RANBP2: variants seen among roughly 807,000 people sequenced by gnomAD.
RANBP2 encodes E3 SUMO-protein ligase RanBP2.
In RANBP2, 57 loss-of-function variants were observed where a neutral mutation model predicts 303.6. The ratio of observed to expected loss-of-function variants is 0.19; its 90% CI spans 0.15 to 0.23. The LOEUF is 0.23. Among genes scored for constraint, RANBP2 ranks in the 10% least tolerant of loss-of-function variants. The pLI is 1.00. For missense variants in RANBP2, 3,138 were observed against 3,780.8 expected (o/e 0.83, Z 4.46); for synonymous variants, 1,167 against 1,301.5 (o/e 0.90, Z 2.23).
chr2:109,315,804 A>G, the RANBP2 span, among the ~76,000 whole-genome samples: 20 of 152,068 alleles, frequency 1.3e-4, no homozygotes, highest in Non-Finnish European at 2.8e-4. Flanking sequence ...TGTGGAAGGG[A>G]CGTCGTCGCT....
the RANBP2 span, among the ~76,000 whole-genome samples, chr2:109,317,947 G>C: frequency 0.27 from 40,612 of 151,912 alleles, 6,058 homozygotes; most frequent in East Asian, 0.65. Context: ...GCACAACTCT[G>C]CCGCTTGTCC....
At chr2:109,229,066 C>T in the RANBP2 span, among the ~76,000 whole-genome samples, 2 of 152,140 alleles carry the variant, frequency 1.3e-5, no homozygotes, top group Admixed American at 6.6e-5. Flanking sequence ...GGATTAGGAG[C>T]TCTGTGTTGG....
chr2:108,740,189 A>G (rs774924066), intron 6 of RANBP2, among the ~76,000 whole-genome samples: 52 of 152,318 alleles, frequency 3.4e-4, no homozygotes, highest in Non-Finnish European at 6.9e-4. Context: ...TCCCAACTTT[A>G]TCCTGGTTTA....
the RANBP2 span, among the ~76,000 whole-genome samples, chr2:109,686,058 A>T: frequency 6.6e-6 from 1 of 151,836 alleles, no homozygotes; most frequent in African/African-American, 2.4e-5. Flanking sequence ...TGTCTCCCAG[A>T]CTCTGGTTTT....
chr2:109,097,349 A>G, the RANBP2 span, among the ~76,000 whole-genome samples: 1 of 149,070 alleles, frequency 6.7e-6, no homozygotes, highest in Non-Finnish European at 1.5e-5. Context: ...ACAAAACAAA[A>G]CAAAACAAAA....
At chr2:108,796,030 A>T in the RANBP2 span, among the ~76,000 whole-genome samples, 1 of 152,180 alleles carries the variant, frequency 6.6e-6, no homozygotes, top group Non-Finnish European at 1.5e-5. Flanking sequence ...TGGTTTAATC[A>T]GTCTATAGTT....
chr2:109,058,008 T>G, the RANBP2 span, among the ~76,000 whole-genome samples: 7 of 152,132 alleles, frequency 4.6e-5, no homozygotes, highest in Non-Finnish European at 1.0e-4. Flanking sequence ...AGGAGCAGAA[T>G]CTATCCTGCC....
chr2:109,534,810 T>C, the RANBP2 span, among the ~76,000 whole-genome samples: 1 of 151,754 alleles, frequency 6.6e-6, no homozygotes. Context: ...TTGTTTTGTT[T>C]TGTTTTGTTT....
the RANBP2 span, among the ~76,000 whole-genome samples, chr2:109,355,169 T>C: frequency 4.1e-4 from 62 of 152,352 alleles, no homozygotes; most frequent in East Asian, 0.01. Flanking sequence ...TATGAAAGTC[T>C]ACGGGCCCAC....
At chr2:109,316,735 T>A in the RANBP2 span, among the ~76,000 whole-genome samples, 1 of 152,196 alleles carries the variant, frequency 6.6e-6, no homozygotes, top group Non-Finnish European at 1.5e-5. Flanking sequence ...TATAATGCGA[T>A]GTATCCACCA....
the RANBP2 span, among the ~76,000 whole-genome samples, chr2:109,446,511 G>A: frequency 3.9e-5 from 6 of 152,192 alleles, no homozygotes; most frequent in African/African-American, 1.4e-4. Context: ...GCAGGAGCAG[G>A]GGAGGCTGAG....
chr2:108,878,487 C>A, the RANBP2 span: 1 of 215,906 alleles, frequency 4.6e-6, no homozygotes. Flanking sequence ...AGATGGCACA[C>A]ATATTTATGC....
At chr2:109,696,926 C>T in the RANBP2 span, among the ~76,000 whole-genome samples, 1 of 152,020 alleles carries the variant, frequency 6.6e-6, no homozygotes, top group East Asian at 1.9e-4. Context: ...CACAGGTGCG[C>T]ACCACCATGC....
the RANBP2 span, among the ~76,000 whole-genome samples, chr2:109,133,358 A>G: frequency 2.6e-5 from 4 of 152,188 alleles, no homozygotes; most frequent in Non-Finnish European, 5.9e-5. Flanking sequence ...TGACAATGTG[A>G]CTGGGACTTA....
chr2:109,157,873 A>G, the RANBP2 span, among the ~76,000 whole-genome samples: 3 of 152,206 alleles, frequency 2.0e-5, no homozygotes, highest in African/African-American at 7.2e-5. Context: ...CAGCTCTCCT[A>G]GGAGACCCTC....
the RANBP2 span, among the ~76,000 whole-genome samples, chr2:109,062,013 C>A: frequency 2.0e-5 from 3 of 152,166 alleles, no homozygotes; most frequent in Admixed American, 2.0e-4. Flanking sequence ...TCCTCACAGA[C>A]CCTCCAGCCC....
the RANBP2 span, among the ~76,000 whole-genome samples, chr2:108,875,225 TAAG>T: frequency 2.1e-5 from 3 of 144,582 alleles, no homozygotes; most frequent in Non-Finnish European, 4.5e-5. Context: ...GACAAGGAAA[TAAG>T]AAACAAAGCT....
At chr2:109,340,081 C>T in the RANBP2 span, among the ~76,000 whole-genome samples, 5 of 152,090 alleles carry the variant, frequency 3.3e-5, no homozygotes, top group Non-Finnish European at 5.9e-5. Context: ...ATCGGGTTAT[C>T]GGGAGTGTCT....
the RANBP2 span, among the ~76,000 whole-genome samples, chr2:109,416,931 TATGTCCA>T: frequency 3.3e-5 from 5 of 149,920 alleles, no homozygotes; most frequent in African/African-American, 1.2e-4. Flanking sequence ...AAAAGAATTG[TATGTCCA>T]GTGCTTGGCC....
Sources: gnomAD v4.1 joint callset for allele counts (sites outside exome capture counted in the v4.1 genomes callset) on GRCh38, gnomAD v4.1.1 for gene constraint, MANE v1.5 for transcripts, NCBI Gene and HGNC (gene_info 2026-07-23, HGNC 2026-07-21) for gene names.